The following MDFIC variants were observed in gnomAD, a reference collection of about 807,000 sequenced individuals.
MDFIC encodes the protein MyoD family inhibitor domain containing.
MDFIC carries 17 observed loss-of-function variants against 23.2 expected under a neutral mutation model. The ratio of observed to expected loss-of-function variants is 0.73; its 90% CI spans 0.50 to 1.10. The LOEUF (loss-of-function observed/expected upper bound fraction) is 1.10, where lower values mean the gene tolerates loss of function less well. MDFIC is among the 50% of genes least tolerant of loss of function. MDFIC has a pLI of 0.00. For missense variants in MDFIC, 356 were observed against 316.6 expected (o/e 1.12, Z -0.95); for synonymous variants, 120 against 115.2 (o/e 1.04, Z -0.27).
At position 114,923,079 on chromosome 7, in the gene MDFIC, C is replaced by A; in HGVS notation, c.46C>A (p.Gln16Lys). ...CCTCGCTCCCGGGCCCGTGGGGCCG[C>A]AGCGCGTGGCCGAGGCGGGCGGCGG... is the stretch of plus-strand genomic sequence containing the variant. ...EALAPGPVGPQRVAEAGGGQL... is the reference protein window; with the variant it reads ...EALAPGPVGPKRVAEAGGGQL... Residue 16 changes from glutamine to lysine, a missense_variant, in exon 2 of 5, where the codon CAG becomes AAG. Physicochemically the swap from Gln to Lys is moderately conservative, Grantham distance 53. Transcript: ENST00000393486. The A allele has an allele frequency of 7.0e-7, 1 of 1,422,250 alleles. No homozygotes were observed. 88.1% of individuals were successfully genotyped at this position (1,422,250 alleles called of 1,614,324 possible).
chr7:114,936,109 GA>G, intron 2 of MDFIC, among the ~76,000 whole-genome samples: 1 of 152,122 alleles, frequency 6.6e-6, no homozygotes, highest in Non-Finnish European at 1.5e-5. Flanking sequence ...ATCTGACAAA[GA>G]TTAACTTGCC....
intron 3 of MDFIC, among the ~76,000 whole-genome samples, chr7:114,976,600 C>T (rs1211058427): frequency 6.6e-6 from 1 of 152,022 alleles, no homozygotes; most frequent in Non-Finnish European, 1.5e-5. Context: ...ACTATTATTC[C>T]TCTTTATCAC....
At chr7:114,967,056 A>T (rs796322662) in intron 3 of MDFIC, among the ~76,000 whole-genome samples, 15 of 152,322 alleles carry the variant, frequency 9.8e-5, no homozygotes, top group African/African-American at 3.6e-4. Flanking sequence ...TGGGTGTTAT[A>T]TATTATTCCC....
At chr7:114,933,299 T>C (rs1792362216) in intron 2 of MDFIC, among the ~76,000 whole-genome samples, 1 of 146,694 alleles carries the variant, frequency 6.8e-6, no homozygotes, top group African/African-American at 2.5e-5. Flanking sequence ...CACTCTGTCA[T>C]GCAGGCTGGA....
Position 114,922,575 on chromosome 7 carries a change from G to T in MDFIC, c.-169G>T. 7.9e-7 allele frequency: 1 copy of T among 1,268,936 alleles called. No homozygotes were observed. Among genetic ancestry groups the T allele is most frequent in the Non-Finnish European group, 1.0e-6 (1 of 1,000,198 alleles). 78.6% of individuals were successfully genotyped at this position (1,268,936 alleles called of 1,614,324 possible). A position where few individuals can be genotyped will look rare whatever the true frequency, so the allele number is the denominator to read the frequency against. ...GCTGCCGGAGGCTCGCTAACTTTCC[G>T]GGGCGGAAGAGGAGGAGGAGGAGGA... is the stretch of plus-strand genomic sequence containing the variant. On this transcript the variant is annotated 5_prime_UTR_variant, in exon 1 of 5. Coordinates refer to ENST00000393486, the MANE Select transcript of MDFIC (RefSeq NM_001166345.3).
intron 2 of MDFIC, among the ~76,000 whole-genome samples, chr7:114,940,267 G>A (rs1393760206): frequency 6.6e-6 from 1 of 152,154 alleles, no homozygotes; most frequent in Non-Finnish European, 1.5e-5. Context: ...CTCTGGACTC[G>A]GTCCCAAGTG....
intron 4 of MDFIC, among the ~76,000 whole-genome samples, chr7:114,985,200 G>A (rs1397484130): frequency 1.3e-5 from 2 of 152,120 alleles, no homozygotes; most frequent in Non-Finnish European, 2.9e-5. Context: ...GATATTATTA[G>A]TACCTACTTC....
intron 2 of MDFIC, among the ~76,000 whole-genome samples, chr7:114,931,956 CT>C (rs999250218): frequency 6.6e-6 from 1 of 152,146 alleles, no homozygotes; most frequent in African/African-American, 2.4e-5. Context: ...TCCTCCTACT[CT>C]TTTTCAAGGT....
In MDFIC at chr7:114,947,786, G is replaced by A. The variant is rs139496817; in HGVS notation, c.217+5389G>A. ...CTAACTTCTCATTTTTAAAAGGGAG[G>A]TGCTAACATTTTATGCCTCATTGTC... On this transcript the variant is annotated intron_variant, in intron 3 of 4. Coordinates refer to ENST00000393486, the MANE Select transcript of MDFIC (RefSeq NM_001166345.3). Among the ~76,000 whole-genome samples, 13 of 152,260 alleles carry A rather than the reference G, an allele frequency of 8.5e-5. No homozygotes were observed. The East Asian group carries it at 2.1e-3, about 25-fold the overall frequency.
Position 114,926,981 on chromosome 7 carries a change from G to T in MDFIC, c.94+3854G>T, listed in dbSNP as rs543902133. 5.9e-5 allele frequency among the ~76,000 whole-genome samples: 9 copies of T among 152,218 alleles called. No homozygotes were observed. In the South Asian group the frequency reaches 1.9e-3, roughly 32 times the overall value. The stretch of plus-strand genomic sequence containing the variant: ...CAATTTTGCTCTTCAGGACACATTT[G>T]GCAATATCTACAGGCATGTTTGGTG... On this transcript the variant is annotated intron_variant, in intron 2 of 4. Coordinates refer to ENST00000393486, the MANE Select transcript of MDFIC (RefSeq NM_001166345.3).
intron 3 of MDFIC, among the ~76,000 whole-genome samples, chr7:114,968,600 T>G (rs1793148645): frequency 6.6e-6 from 1 of 152,214 alleles, no homozygotes; most frequent in Non-Finnish European, 1.5e-5. Context: ...AGTTTTTTCC[T>G]AAGTTAATTC....
chr7:114,941,694 T>C (rs745977287), intron 2 of MDFIC, among the ~76,000 whole-genome samples: 11 of 152,326 alleles, frequency 7.2e-5, no homozygotes, highest in Middle Eastern at 6.8e-3. Flanking sequence ...TCCTTACATG[T>C]TGGCTTTCTC....
intron 3 of MDFIC, among the ~76,000 whole-genome samples, chr7:114,951,740 C>A (rs1377159863): frequency 6.6e-6 from 1 of 151,850 alleles, no homozygotes; most frequent in Admixed American, 6.6e-5. Context: ...CGTGATATGG[C>A]AAAATATCAG....
At chr7:115,014,476 C>T (rs1333958679) in intron 4 of MDFIC, 1 of 1,289,710 alleles carries the variant, frequency 7.8e-7, no homozygotes, top group South Asian at 1.2e-5. Flanking sequence ...GCTGACACTC[C>T]ATCGAAGGCA....
intron 2 of MDFIC, among the ~76,000 whole-genome samples, chr7:114,929,108 A>ATCTATCTATCTATCTATCATCTG (rs1382406390): frequency 6.6e-6 from 1 of 150,530 alleles, no homozygotes; most frequent in Non-Finnish European, 1.5e-5. Flanking sequence ...TCTATCATCT[A>ATCTATCTATCTATCTATCATCTG]TCTATCTATA....
intron 2 of MDFIC, among the ~76,000 whole-genome samples, chr7:114,925,043 G>A (rs529432367): frequency 3.9e-4 from 59 of 152,170 alleles, no homozygotes; most frequent in Non-Finnish European, 6.3e-4. Flanking sequence ...TCTACGGTAG[G>A]ATATGGCTGC....
intron 3 of MDFIC, among the ~76,000 whole-genome samples, chr7:114,977,042 A>G (rs571178497): frequency 1.1e-4 from 17 of 152,310 alleles, no homozygotes; most frequent in African/African-American, 2.4e-4. Flanking sequence ...GCGAACAGAA[A>G]AAAAGACTAA....
At chr7:114,924,818 T>C (rs1792159195) in intron 2 of MDFIC, among the ~76,000 whole-genome samples, 1 of 152,214 alleles carries the variant, frequency 6.6e-6, no homozygotes, top group African/African-American at 2.4e-5. Flanking sequence ...CAGGCAGATG[T>C]CATAAGGTGT....
chr7:114,964,172 G>A (rs1457234397), intron 3 of MDFIC, among the ~76,000 whole-genome samples: 1 of 152,112 alleles, frequency 6.6e-6, no homozygotes, highest in South Asian at 2.1e-4. Flanking sequence ...CTATGGTGAT[G>A]AATACATTTG....
Sources: allele counts gnomAD v4.1 joint callset (sites outside exome capture counted in the v4.1 genomes callset), GRCh38; gene constraint gnomAD v4.1.1; transcripts MANE v1.5; gene names NCBI Gene and HGNC (gene_info 2026-07-23, HGNC 2026-07-21).